CDH12: variants seen among roughly 807,000 people sequenced by gnomAD.
CDH12 encodes the protein cadherin 12.
A neutral mutation model predicts 74.1 loss-of-function variants in CDH12; 41 were observed. That is an observed-to-expected ratio of 0.55 (90% CI 0.43 to 0.72). CDH12 has a LOEUF of 0.72. CDH12 is among the 30% of genes least tolerant of loss of function. CDH12 has a pLI of 0.00. For synonymous variants in CDH12, 399 were observed against 355.0 expected (o/e 1.12, Z -1.39); for missense variants, 945 against 977.2 (o/e 0.97, Z 0.44).
intron 2 of CDH12, among the ~76,000 whole-genome samples, chr5:22,414,176 T>G (rs1257633088): frequency 6.6e-6 from 1 of 151,990 alleles, no homozygotes; most frequent in Non-Finnish European, 1.5e-5. Context: ...AATGGAGGTC[T>G]GCAAACATAA....
Position 22,189,273 on chromosome 5 carries a change from T to G in CDH12, c.-187+23225A>C, listed in dbSNP as rs574322082. 3.3e-5 allele frequency among the ~76,000 whole-genome samples: 5 copies of G among 152,354 alleles called. No individual in the cohort carries two copies. The South Asian group carries it at 1.0e-3, about 32-fold the overall frequency. Reference sequence around the variant, plus strand: ...TCACAAGTTGATGTACTTAAATTTCTAATCAGTTTTGTCATGCTTTATACA... The same window carrying G: ...TCACAAGTTGATGTACTTAAATTTCGAATCAGTTTTGTCATGCTTTATACA... On this transcript the variant is annotated intron_variant, in intron 4 of 14. Transcript: ENST00000382254.
At chr5:21,979,977 T>G (rs1561344661) in intron 5 of CDH12, among the ~76,000 whole-genome samples, 1 of 151,774 alleles carries the variant, frequency 6.6e-6, no homozygotes, top group Non-Finnish European at 1.5e-5. Flanking sequence ...ATGATTGCCA[T>G]TCTAACTGGT....
chr5:22,244,676 G>C (rs1304644182), intron 3 of CDH12, among the ~76,000 whole-genome samples: 1 of 143,416 alleles, frequency 7.0e-6, no homozygotes, highest in Non-Finnish European at 1.5e-5. Flanking sequence ...GAAAGAAAGA[G>C]AAGGAAAGAA....
chr5:22,419,512 G>A, intron 2 of CDH12, among the ~76,000 whole-genome samples: 1 of 152,046 alleles, frequency 6.6e-6, no homozygotes, highest in East Asian at 1.9e-4. Flanking sequence ...AGTATTCCAT[G>A]GTGTATATGT....
chr5:22,819,729 T>C (rs1276477784), intron 1 of CDH12, among the ~76,000 whole-genome samples: 1 of 151,498 alleles, frequency 6.6e-6, no homozygotes, highest in African/African-American at 2.4e-5. Context: ...ACAAAATACA[T>C]GCTTAATGTT....
intron 4 of CDH12, among the ~76,000 whole-genome samples, chr5:22,151,434 T>C (rs1340743019): frequency 1.3e-5 from 2 of 152,214 alleles, no homozygotes; most frequent in African/African-American, 4.8e-5. Context: ...ATCAAGTTGA[T>C]AAGCCATTCT....
chr5:22,548,975 T>C (rs1738448064), intron 1 of CDH12, among the ~76,000 whole-genome samples: 1 of 152,090 alleles, frequency 6.6e-6, no homozygotes, highest in South Asian at 2.1e-4. Context: ...GGTCTCGCTC[T>C]CTCATTTAGG....
At chr5:22,114,849 G>C (rs1561125585) in intron 4 of CDH12, among the ~76,000 whole-genome samples, 1 of 152,150 alleles carries the variant, frequency 6.6e-6, no homozygotes. Flanking sequence ...TCAAGTAAGA[G>C]TGTCCAATCG....
At chr5:22,517,969 C>T (rs1272791968) in intron 1 of CDH12, among the ~76,000 whole-genome samples, 1 of 152,208 alleles carries the variant, frequency 6.6e-6, no homozygotes, top group Non-Finnish European at 1.5e-5. Flanking sequence ...TTCTCAGCAA[C>T]ATTTTCATGT....
chr5:22,613,413 G>A, intron 1 of CDH12, among the ~76,000 whole-genome samples: 1 of 152,042 alleles, frequency 6.6e-6, no homozygotes. Context: ...GTAATCTTGT[G>A]CAACTGTACA....
chr5:22,271,525 T>C (rs1736400137), intron 3 of CDH12, among the ~76,000 whole-genome samples: 1 of 152,198 alleles, frequency 6.6e-6, no homozygotes, highest in Non-Finnish European at 1.5e-5. Context: ...CTTAAGAGCA[T>C]CTTGCTTGGA....
intron 5 of CDH12, among the ~76,000 whole-genome samples, chr5:21,989,944 T>C (rs1380091560): frequency 6.6e-6 from 1 of 152,218 alleles, no homozygotes; most frequent in Admixed American, 6.5e-5. Context: ...TATTTGATAA[T>C]GGAGCAATAT....
intron 1 of CDH12, among the ~76,000 whole-genome samples, chr5:22,571,725 A>T (rs2126766773): frequency 6.6e-6 from 1 of 152,304 alleles, no homozygotes; most frequent in Admixed American, 6.5e-5. Context: ...ACCTAATGTC[A>T]ATGTTGTTAT....
At chr5:22,363,724 C>T (rs1022480685) in intron 3 of CDH12, among the ~76,000 whole-genome samples, 2 of 152,118 alleles carry the variant, frequency 1.3e-5, no homozygotes, top group Non-Finnish European at 2.9e-5. Context: ...AGATCCAAGG[C>T]ACTAAAAAAA....
At chr5:22,730,081 A>G (rs1048734245) in intron 1 of CDH12, among the ~76,000 whole-genome samples, 5 of 151,892 alleles carry the variant, frequency 3.3e-5, no homozygotes, top group African/African-American at 7.2e-5. Flanking sequence ...CTGTGTTTTT[A>G]TCTCTAAGGA....
intron 3 of CDH12, among the ~76,000 whole-genome samples, chr5:22,272,818 G>T (rs758359977): frequency 2.4e-4 from 36 of 152,252 alleles, no homozygotes; most frequent in Non-Finnish European, 2.8e-4. Flanking sequence ...ATGCTGCTAT[G>T]AAGAAATACT....
At chr5:22,306,038 C>A (rs1226612285) in intron 3 of CDH12, among the ~76,000 whole-genome samples, 1 of 152,070 alleles carries the variant, frequency 6.6e-6, no homozygotes, top group Admixed American at 6.6e-5. Flanking sequence ...TACAAACTGA[C>A]CAATTGAACT....
intron 3 of CDH12, among the ~76,000 whole-genome samples, chr5:22,255,703 T>C (rs924868271): frequency 1.3e-5 from 2 of 151,852 alleles, no homozygotes; most frequent in African/African-American, 4.8e-5. Context: ...TCTTGCTTTA[T>C]ATATATGAAT....
chr5:22,062,200 G>A (rs1431132058), intron 5 of CDH12, among the ~76,000 whole-genome samples: 1 of 152,060 alleles, frequency 6.6e-6, no homozygotes, highest in African/African-American at 2.4e-5. Flanking sequence ...TAAACACATT[G>A]AACCTTTATG....
Sources: gnomAD v4.1 joint callset for allele counts (sites outside exome capture counted in the v4.1 genomes callset) on GRCh38, gnomAD v4.1.1 for gene constraint, MANE v1.5 for transcripts, NCBI Gene and HGNC (gene_info 2026-07-23, HGNC 2026-07-21) for gene names.